Variants in TPD52 observed in about 807,000 individuals in gnomAD.
TPD52 encodes the protein tumor protein D52.
In TPD52, 17 loss-of-function variants were observed where a neutral mutation model predicts 31.3. That is an observed-to-expected ratio of 0.54 (90% CI 0.37 to 0.82). The LOEUF is 0.82. Among genes scored for constraint, TPD52 ranks in the 40% least tolerant of loss-of-function variants. The pLI, the probability that TPD52 is intolerant of heterozygous loss-of-function variation, is 0.00. For synonymous variants in TPD52, 83 were observed against 89.6 expected (o/e 0.93, Z 0.42); for missense variants, 212 against 240.1 (o/e 0.88, Z 0.77).
intron 1 of TPD52, among the ~76,000 whole-genome samples, chr8:80,154,868 T>C (rs989116868): frequency 6.6e-6 from 1 of 152,102 alleles, no homozygotes; most frequent in South Asian, 2.1e-4. Context: ...TGTTATATAA[T>C]ACATAAATCA....
intron 1 of TPD52, among the ~76,000 whole-genome samples, chr8:80,108,393 G>A (rs931375631): frequency 1.3e-5 from 2 of 152,116 alleles, no homozygotes; most frequent in Non-Finnish European, 2.9e-5. Context: ...ATGTTAAAAT[G>A]TTGTATGTCA....
At chr8:80,169,987 A>G (rs2131294402) in intron 1 of TPD52, among the ~76,000 whole-genome samples, 1 of 152,354 alleles carries the variant, frequency 6.6e-6, no homozygotes, top group South Asian at 2.1e-4. Flanking sequence ...TAATATATAT[A>G]TACACATAGG....
intron 1 of TPD52, among the ~76,000 whole-genome samples, chr8:80,118,922 A>C (rs1808055114): frequency 6.6e-6 from 1 of 152,236 alleles, no homozygotes; most frequent in South Asian, 2.1e-4. Context: ...TCCTAGGTAA[A>C]TATCTAAGAT....
chr8:80,094,430 T>A (rs73261871), intron 1 of TPD52, among the ~76,000 whole-genome samples: 903 of 53,422 alleles, frequency 0.017, 33 homozygotes, highest in African/African-American at 0.031. Context: ...AAAGAAAATT[T>A]TATATATATA....
At chr8:80,109,325 ACT>A (rs1223549000) in intron 1 of TPD52, among the ~76,000 whole-genome samples, 1 of 152,196 alleles carries the variant, frequency 6.6e-6, no homozygotes, top group Non-Finnish European at 1.5e-5. Flanking sequence ...GCGGTCAATC[ACT>A]ATTCTTACTG....
At chr8:80,051,002 G>GAA (rs201164661) in intron 4 of TPD52, among the ~76,000 whole-genome samples, 11 of 119,388 alleles carry the variant, frequency 9.2e-5, no homozygotes, top group African/African-American at 2.9e-4. Flanking sequence ...TAATCTAAAT[G>GAA]AAAAAAAAAA....
intron 1 of TPD52, among the ~76,000 whole-genome samples, chr8:80,120,946 G>A (rs867177566): frequency 1.1e-4 from 16 of 152,080 alleles, no homozygotes; most frequent in Middle Eastern, 6.8e-3. Flanking sequence ...GCTGAGCATG[G>A]TGGCATGTGC....
chr8:80,109,383 C>A (rs1302282330), intron 1 of TPD52, among the ~76,000 whole-genome samples: 1 of 152,122 alleles, frequency 6.6e-6, no homozygotes, highest in African/African-American at 2.4e-5. Flanking sequence ...ATTTATTATG[C>A]AATCAAATTA....
At chr8:80,124,819 C>CA (rs1346504878) in intron 1 of TPD52, among the ~76,000 whole-genome samples, 2 of 151,956 alleles carry the variant, frequency 1.3e-5, no homozygotes, top group South Asian at 2.1e-4. Context: ...AACAAACAAA[C>CA]AAAAAAACCA....
At position 80,170,929 on chromosome 8, in the gene TPD52, C is replaced by T. The variant is rs1241918003; in HGVS notation, c.19+496G>A. The T allele has an allele frequency of 1.5e-5, 5 of 337,356 alleles. No individual in the cohort carries two copies. In the Admixed American group the frequency reaches 2.2e-4, roughly 15 times the overall value. The allele number at this position is 337,356 out of a possible 1,614,324, so 20.9% of individuals were successfully genotyped here. A position where few individuals can be genotyped will look rare whatever the true frequency, so the allele number is the denominator to read the frequency against. On this transcript the variant is annotated intron_variant, in intron 1 of 7. Transcript: ENST00000518937. ...TGATAAATATCTGCCTCCCAAACCC[C>T]CCATGGGTCATACGCCACCAAAAAT...
intron 1 of TPD52, among the ~76,000 whole-genome samples, chr8:80,078,058 G>A (rs527262072): frequency 6.6e-6 from 1 of 152,290 alleles, no homozygotes; most frequent in Admixed American, 6.5e-5. Context: ...AGGATTGCAG[G>A]TAAGGAGGTA....
chr8:80,031,813 T>C (rs953431822), downstream of TPD52, among the ~76,000 whole-genome samples: 10 of 152,132 alleles, frequency 6.6e-5, no homozygotes, highest in Non-Finnish European at 1.3e-4. Context: ...GCTATGTTCC[T>C]GCCACTTCAC....
intron 5 of TPD52, among the ~76,000 whole-genome samples, chr8:80,048,010 G>T (rs1267839769): frequency 6.6e-6 from 1 of 152,110 alleles, no homozygotes; most frequent in African/African-American, 2.4e-5. Context: ...TTCTTTTAAA[G>T]TTTCCCTCAA....
rs547305308 is a variant in TPD52 at position 80,171,523 on chromosome 8, G to A, written c.-80C>T. 935 of 1,474,418 alleles carry A rather than the reference G, an allele frequency of 6.3e-4. 16 individuals are homozygous for A. In the South Asian group the frequency reaches 0.012, roughly 18 times the overall value. The allele number at this position is 1,474,418 out of a possible 1,614,324, so 91.3% of individuals were successfully genotyped here. On this transcript the variant is annotated 5_prime_UTR_variant, in exon 1 of 8. Transcript: ENST00000518937. ...CGGCTCGGATCGCCCGCCGCGCCGC[G>A]CAGAGCTCCTCCTCGCCTCCGCCGG...
intron 1 of TPD52, among the ~76,000 whole-genome samples, chr8:80,105,655 C>T (rs1232603765): frequency 6.6e-6 from 1 of 151,368 alleles, no homozygotes; most frequent in East Asian, 1.9e-4. Context: ...CGTCCTGCTA[C>T]AAACCTTCTG....
In TPD52 at chr8:80,096,271, C is replaced by T. The variant is rs1816726417; in HGVS notation, c.20-31678G>A. Among the ~76,000 whole-genome samples the T allele has an allele frequency of 4.3e-5, 6 of 139,506 alleles. No homozygotes were observed. In the Admixed American group the frequency reaches 4.6e-4, roughly 11 times the overall value. The allele number at this position is 139,506 out of a possible 152,430, so 91.5% of individuals were successfully genotyped here. A position where few individuals can be genotyped will look rare whatever the true frequency, so the allele number is the denominator to read the frequency against. Reference sequence around the variant, plus strand: ...GAACTTGTCTCAAAATAAATAAAGACTATCAAACACACACACACAAACACA... The same window carrying T: ...GAACTTGTCTCAAAATAAATAAAGATTATCAAACACACACACACAAACACA... On this transcript the variant is annotated intron_variant, in intron 1 of 7. Transcript: ENST00000518937.
Position 80,113,041 on chromosome 8 carries a change from T to C in TPD52, c.20-48448A>G, listed in dbSNP as rs540271123. On this transcript the variant is annotated intron_variant, in intron 1 of 7. Coordinates refer to ENST00000518937, the MANE Select transcript of TPD52 (RefSeq NM_001025253.3). ...ATGAAACCAAGTTTTGACGGCAACC[T>C]GTCACAAGGTCAGGTGTGGAAGTCT... 6.6e-5 allele frequency among the ~76,000 whole-genome samples: 10 copies of C among 152,322 alleles called. No individual in the cohort carries two copies. The East Asian group carries it at 1.9e-3, about 29-fold the overall frequency.
Position 80,087,742 on chromosome 8 carries a change from T to TC in TPD52, c.20-23150dup, listed in dbSNP as rs759618856. ...ACAGAAAAGAAGTCTCCCCATCATATCCCATGCTGGTCACATCTTCCCAGA... is the reference window on the plus strand; with the variant it reads ...ACAGAAAAGAAGTCTCCCCATCATATCCCCATGCTGGTCACATCTTCCCAGA... On this transcript the variant is annotated intron_variant, in intron 1 of 7. Transcript: ENST00000518937. Among the ~76,000 whole-genome samples the TC allele has an allele frequency of 1.4e-4, 22 of 152,198 alleles. No individual in the cohort carries two copies. The South Asian group carries it at 3.1e-3, about 22-fold the overall frequency.
At chr8:80,032,274 C>T (rs1455198030), downstream of TPD52, among the ~76,000 whole-genome samples, 1 of 151,338 alleles carries the variant, frequency 6.6e-6, no homozygotes, top group Non-Finnish European at 1.5e-5. Flanking sequence ...AAGAACTGAA[C>T]AAGTCAATAG....
Sources: gnomAD v4.1 joint callset for allele counts (sites outside exome capture counted in the v4.1 genomes callset) on GRCh38, gnomAD v4.1.1 for gene constraint, MANE v1.5 for transcripts, NCBI Gene and HGNC (gene_info 2026-07-23, HGNC 2026-07-21) for gene names.